The following APAF1 variants were observed in gnomAD, a reference collection of about 807,000 sequenced individuals.
APAF1 encodes the protein apoptotic protease-activating factor 1.
APAF1 carries 91 observed loss-of-function variants against 152.4 expected under a neutral mutation model. The ratio of observed to expected loss-of-function variants is 0.60; its 90% CI spans 0.50 to 0.71. The LOEUF is 0.71. Ranked by LOEUF, APAF1 falls within the 30% of genes least tolerant of loss-of-function variation. The pLI is 0.00. For missense variants in APAF1, 1,283 were observed against 1,472.0 expected (o/e 0.87, Z 2.10); for synonymous variants, 484 against 494.1 (o/e 0.98, Z 0.27).
chr12:98,727,278 G>A lies in APAF1; in HGVS notation c.3562G>A (p.Asp1188Asn). 3.1e-6 allele frequency: 5 copies of A among 1,614,104 alleles called. No individual in the cohort carries two copies. The highest frequency in any genetic ancestry group is 4.2e-6 in the Non-Finnish European group (5 of 1,179,996). ...GWVTDLCFSP[D>N]GKMLISAGGY... ...GGTGACTGACCTTTGCTTTTCTCCA[G>A]ATGGCAAAATGCTTATCTCTGCTGG... The change falls in exon 26 of 27, where the codon GAT becomes AAT. Residue 1188 changes from aspartate (D) to asparagine (N), a missense_variant. Asp to Asn is a conservative substitution (Grantham distance 23, BLOSUM62 1). Coordinates refer to ENST00000551964, the MANE Select transcript of APAF1 (RefSeq NM_181861.2).
intron 4 of APAF1, among the ~76,000 whole-genome samples, chr12:98,656,671 T>G (rs2097658122): frequency 6.6e-6 from 1 of 152,228 alleles, no homozygotes; most frequent in Non-Finnish European, 1.5e-5. Flanking sequence ...TATCATCAAC[T>G]TCTTAGAATA....
At chr12:98,655,276 A>G (rs889445331) in intron 4 of APAF1, among the ~76,000 whole-genome samples, 1 of 147,738 alleles carries the variant, frequency 6.8e-6, no homozygotes, top group Non-Finnish European at 1.5e-5. Context: ...TCTTTTCCCC[A>G]CCTTTCCCGC....
At chr12:98,715,608 CTA>C in intron 22 of APAF1, 56 bp downstream of exon 22, 3 of 1,593,416 alleles carry the variant, frequency 1.9e-6, no homozygotes, top group Non-Finnish European at 2.6e-6. Context: ...CAAAGGAACA[CTA>C]TGATTATGCC....
chr12:98,648,866 T>C lies in APAF1; in HGVS notation c.328+51T>C, dbSNP rs139072016. The C allele has an allele frequency of 2.5e-4, 387 of 1,532,562 alleles. 4 individuals are homozygous for C. The African/African-American group carries it at 4.5e-3, about 18-fold the overall frequency. The allele number at this position is 1,532,562 out of a possible 1,614,324, so 94.9% of individuals were successfully genotyped here. On this transcript the variant is annotated intron_variant, in intron 3 of 26. Transcript: ENST00000551964. ...ACTTTGCTATCAAAATTGCTTTGGG[T>C]TTGTCTTATTGTAGATGTAATCTTT...
chr12:98,699,935 T>G (rs1476679187), intron 17 of APAF1, among the ~76,000 whole-genome samples: 1 of 152,244 alleles, frequency 6.6e-6, no homozygotes, highest in African/African-American at 2.4e-5. Flanking sequence ...CTCCTTTTTT[T>G]TCTTCAATTT....
intron 5 of APAF1, 30 bp downstream of exon 5, chr12:98,659,373 C>A: frequency 6.2e-7 from 1 of 1,609,122 alleles, no homozygotes; most frequent in South Asian, 1.1e-5. Flanking sequence ...GTTGGTGTGT[C>A]AGGTCCCATG....
intron 18 of APAF1, among the ~76,000 whole-genome samples, chr12:98,704,733 G>T (rs1238235360): frequency 1.6e-4 from 25 of 152,126 alleles, no homozygotes; most frequent in Admixed American, 1.6e-3. Flanking sequence ...AGGGTGCTGT[G>T]GGCAGTGTTT....
chr12:98,732,513 T>G lies in APAF1; in HGVS notation c.3694T>G (p.Tyr1232Asp). The change falls in exon 27 of 27, where the codon TAT (tyrosine) becomes GAT (aspartate). Residue 1232 changes from tyrosine (Y) to aspartate (D), a missense_variant. Transcript: ENST00000551964. ...ACACGTGTCCCCTGACTTCAAAACA[T>G]ATGTGACTGTGGATAATCTTGGTAT... The part of the protein sequence containing the change: ...KIHVSPDFKT[Y>D]VTVDNLGILY... 1 of 1,577,510 alleles carries G rather than the reference T, an allele frequency of 6.3e-7. No homozygotes were observed. Among genetic ancestry groups the G allele is most frequent in the Non-Finnish European group, 8.7e-7 (1 of 1,146,696 alleles).
In APAF1 at chr12:98,683,182, G is replaced by C. The variant is rs547042610; in HGVS notation, c.2086G>C (p.Asp696His). The change falls in exon 15 of 27, where the codon GAT (aspartate) becomes CAT (histidine). Residue 696 changes from aspartate (D) to histidine (H), a missense_variant. Physicochemically the swap from Asp to His is moderately conservative, Grantham distance 81. Transcript: ENST00000551964. ...SMTGELVHTY[D>H]EHSEQVNCCH... Reference sequence around the variant, plus strand: ...GACTGGGGAACTAGTACACACCTATGATGAGCACTCAGAGCAAGTCAATTG... The same window carrying C: ...GACTGGGGAACTAGTACACACCTATCATGAGCACTCAGAGCAAGTCAATTG... 6 of 1,613,516 alleles carry C rather than the reference G, an allele frequency of 3.7e-6. No homozygotes were observed. Among genetic ancestry groups the C allele is most frequent in the African/African-American group, 2.7e-5 (2 of 74,988 alleles).
intron 26 of APAF1, among the ~76,000 whole-genome samples, chr12:98,730,163 A>G (rs1057314682): frequency 1.3e-5 from 2 of 152,212 alleles, no homozygotes; most frequent in Non-Finnish European, 2.9e-5. Flanking sequence ...TGAAAACACA[A>G]TTCTGTTTAC....
chr12:98,654,244 TTTCTC>T (rs2097653523), intron 4 of APAF1, among the ~76,000 whole-genome samples: 1 of 152,148 alleles, frequency 6.6e-6, no homozygotes, highest in African/African-American at 2.4e-5. Context: ...CTGGTAGTGT[TTTCTC>T]TTTTCTTGCA....
rs756263592 is a variant in APAF1, at chr12:98,671,012, G to A, written c.1534G>A (p.Ala512Thr). 2 of 1,612,938 alleles carry A rather than the reference G, an allele frequency of 1.2e-6. No individual in the cohort carries two copies. Among genetic ancestry groups the A allele is most frequent in the Non-Finnish European group, 8.5e-7 (1 of 1,179,570 alleles). ...ALMFSLDWIK[A>T]KTELVGPAHL... ...AATGTTTTCCCTGGATTGGATTAAAGCAAAAACAGAACTTGTAGGCCCTGC... is the reference window on the plus strand; with the variant it reads ...AATGTTTTCCCTGGATTGGATTAAAACAAAAACAGAACTTGTAGGCCCTGC... The change falls in exon 11 of 27, where the codon GCA becomes ACA. Residue 512 changes from alanine to threonine, a missense_variant. Coordinates refer to ENST00000551964, the MANE Select transcript of APAF1 (RefSeq NM_181861.2).
chr12:98,690,737 A>G (rs2097703244), intron 16 of APAF1, among the ~76,000 whole-genome samples: 6 of 152,178 alleles, frequency 3.9e-5, no homozygotes, highest in Admixed American at 3.9e-4. Flanking sequence ...ACTAGTGCCT[A>G]TTCTAATCCT....
intron 22 of APAF1, among the ~76,000 whole-genome samples, chr12:98,715,926 A>G (rs745453320): frequency 1.2e-4 from 18 of 152,306 alleles, no homozygotes; most frequent in South Asian, 2.1e-4. Context: ...CCTTTTAAGA[A>G]CAAAATGTTT....
At chr12:98,650,626 T>G (rs954511094) in intron 4 of APAF1, among the ~76,000 whole-genome samples, 1 of 152,136 alleles carries the variant, frequency 6.6e-6, no homozygotes, top group Non-Finnish European at 1.5e-5. Flanking sequence ...TATATCTATG[T>G]GTACACATGG....
In APAF1 at chr12:98,715,422, T is replaced by C; in HGVS notation, c.2959-5T>C. 6.2e-7 allele frequency: 1 copy of C among 1,613,296 alleles called. No homozygotes were observed. ...CTTAATTTTCTGTGTTTTTCTGCTT[T>C]GAAGATTTTAGAACTTGTAAACAAT... On this transcript the variant is annotated splice_polypyrimidine_tract_variant and splice_region_variant and intron_variant, in intron 21 of 26. Transcript: ENST00000551964.
intron 17 of APAF1, 117 bp downstream of exon 17, chr12:98,699,686 C>A: frequency 2.5e-6 from 3 of 1,180,346 alleles, no homozygotes; most frequent in Non-Finnish European, 3.7e-6. Flanking sequence ...TGATTTTGGG[C>A]AGTCTTCCTA....
At chr12:98,698,534 G>C (rs540514304) in intron 16 of APAF1, among the ~76,000 whole-genome samples, 1 of 152,108 alleles carries the variant, frequency 6.6e-6, no homozygotes, top group Non-Finnish European at 1.5e-5. Flanking sequence ...GAAAAGTTTT[G>C]GTTTTGGCCA....
chr12:98,715,342 CTAATT>C, intron 21 of APAF1, 80 bp from the exon 22 acceptor site: 2 of 1,328,046 alleles, frequency 1.5e-6, no homozygotes, highest in Non-Finnish European at 1.0e-6. Flanking sequence ...ACCCTCCAGT[CTAATT>C]TTAGTTTAAT....
Sources: gnomAD v4.1 joint callset for allele counts (sites outside exome capture counted in the v4.1 genomes callset) on GRCh38, gnomAD v4.1.1 for gene constraint, MANE v1.5 for transcripts, NCBI Gene and HGNC (gene_info 2026-07-23, HGNC 2026-07-21) for gene names.